DYM: variants seen among roughly 807,000 people sequenced by gnomAD.
The protein encoded by DYM is dymeclin.
DYM carries 78 observed loss-of-function variants against 93.1 expected under a neutral mutation model. That is an observed-to-expected ratio of 0.84 (90% CI 0.70 to 1.01). The LOEUF (loss-of-function observed/expected upper bound fraction) is 1.01. Ranked by LOEUF, DYM falls within the 50% of genes least tolerant of loss-of-function variation. DYM has a pLI of 0.00. For missense variants in DYM, 789 were observed against 845.0 expected (o/e 0.93, Z 0.82); for synonymous variants, 321 against 319.7 (o/e 1.00, Z -0.04).
chr18:49,059,825 C>T (rs2075807153), intron 17 of DYM, among the ~76,000 whole-genome samples: 1 of 152,164 alleles, frequency 6.6e-6, no homozygotes, highest in African/African-American at 2.4e-5. Flanking sequence ...GCCATTAACT[C>T]ATGGGCACTC....
chr18:49,431,239 C>T (rs1055295182), intron 1 of DYM, among the ~76,000 whole-genome samples: 7 of 152,226 alleles, frequency 4.6e-5, no homozygotes, highest in African/African-American at 1.7e-4. Context: ...AAAGGAATCA[C>T]ATTTAATGTT....
intron 8 of DYM, among the ~76,000 whole-genome samples, chr18:49,300,619 T>C (rs908050571): frequency 2.6e-5 from 4 of 152,074 alleles, no homozygotes; most frequent in Non-Finnish European, 4.4e-5. Flanking sequence ...AAAAGGTTTC[T>C]ACATAGTAAA....
In DYM at chr18:49,040,810, A is replaced by G. The variant is rs1238752921; in HGVS notation, c.*3245T>C. On this transcript the variant is annotated 3_prime_UTR_variant, in exon 18 of 18. Transcript: ENST00000675505. ...ATTATGCAGAGAGCTCTACCACCCAATGCAAAACCCTGGCTCCCGGAATCT... is the reference window on the plus strand; with the variant it reads ...ATTATGCAGAGAGCTCTACCACCCAGTGCAAAACCCTGGCTCCCGGAATCT... 2.0e-5 allele frequency among the ~76,000 whole-genome samples: 3 copies of G among 152,218 alleles called. No individual in the cohort carries two copies. The highest frequency in any genetic ancestry group is 4.4e-5 in the Non-Finnish European group (3 of 68,042).
intron 6 of DYM, among the ~76,000 whole-genome samples, chr18:49,352,242 A>C (rs142535764): frequency 6.6e-6 from 1 of 152,214 alleles, no homozygotes. Flanking sequence ...TAATGGGCAC[A>C]TGGCTTCTGC....
At position 49,128,975 on chromosome 18, in the gene DYM, TAA is replaced by T. The variant is rs796487736; in HGVS notation, c.1729-10051_1729-10050del. 7.2e-4 allele frequency among the ~76,000 whole-genome samples: 110 copies of T among 152,308 alleles called. 2 individuals are homozygous for T. Among genetic ancestry groups the T allele is most frequent in the African/African-American group, 2.6e-3 (109 of 41,570 alleles). On this transcript the variant is annotated intron_variant, in intron 15 of 17. Transcript: ENST00000675505. ...TAATAAACAGAAGGGAAATAATCTG[TAA>T]ACCTGTGTGTCATGGATTACACATT...
intron 6 of DYM, among the ~76,000 whole-genome samples, chr18:49,361,282 G>A (rs538499676): frequency 1.3e-5 from 2 of 152,236 alleles, no homozygotes; most frequent in East Asian, 1.9e-4. Context: ...GCCATATCAC[G>A]ACAGGGGTTG....
At chr18:49,364,444 CAA>C (rs1298142988) in intron 5 of DYM, among the ~76,000 whole-genome samples, 2 of 138,472 alleles carry the variant, frequency 1.4e-5, no homozygotes. Flanking sequence ...GACTGTGTCT[CAA>C]AAAAAAAAAA....
intron 5 of DYM, among the ~76,000 whole-genome samples, chr18:49,367,463 G>A (rs2066623378): frequency 6.6e-6 from 1 of 152,210 alleles, no homozygotes; most frequent in Admixed American, 6.5e-5. Context: ...ACCATGTGCT[G>A]AGTGAGACAG....
At chr18:49,389,471 A>G (rs1313395752) in intron 3 of DYM, among the ~76,000 whole-genome samples, 1 of 152,154 alleles carries the variant, frequency 6.6e-6, no homozygotes, top group South Asian at 2.1e-4. Context: ...TGCTTTCCAC[A>G]TTATGTATAA....
At chr18:49,314,542 AG>A (rs2061805477) in intron 8 of DYM, among the ~76,000 whole-genome samples, 1 of 152,238 alleles carries the variant, frequency 6.6e-6, no homozygotes. Context: ...TAAAGACCAA[AG>A]CAGCTGAACC....
At chr18:49,061,549 C>T (rs978972008) in intron 17 of DYM, among the ~76,000 whole-genome samples, 8 of 152,332 alleles carry the variant, frequency 5.3e-5, no homozygotes, top group Admixed American at 5.2e-4. Flanking sequence ...AGGACCTCAG[C>T]GTGCTCTTGG....
intron 13 of DYM, among the ~76,000 whole-genome samples, chr18:49,223,639 G>C (rs1248742275): frequency 2.0e-5 from 3 of 152,052 alleles, no homozygotes; most frequent in Non-Finnish European, 4.4e-5. Context: ...TGATGTAAAT[G>C]AGTAACAAAG....
chr18:49,397,857 G>A (rs1210735347), intron 2 of DYM, among the ~76,000 whole-genome samples: 3 of 151,990 alleles, frequency 2.0e-5, no homozygotes, highest in Non-Finnish European at 4.4e-5. Flanking sequence ...TGGGAAACTG[G>A]GGTTAAATAA....
intron 14 of DYM, among the ~76,000 whole-genome samples, chr18:49,193,430 G>C (rs1568574467): frequency 6.6e-6 from 1 of 152,056 alleles, no homozygotes; most frequent in Non-Finnish European, 1.5e-5. Context: ...TAAAACTGTT[G>C]TGCAAAACAA....
At chr18:49,081,396 C>A (rs1435638319) in intron 17 of DYM, among the ~76,000 whole-genome samples, 4 of 151,284 alleles carry the variant, frequency 2.6e-5, no homozygotes, top group Non-Finnish European at 5.9e-5. Flanking sequence ...CGCAGGCACT[C>A]AGCAGGCTGA....
rs4939844 is a variant in DYM at position 49,102,239 on chromosome 18, A to T, written c.1912-4724T>A. Among the ~76,000 whole-genome samples, 1,245 of 152,328 alleles carry T rather than the reference A, an allele frequency of 8.2e-3. 51 individuals are homozygous for T. Among genetic ancestry groups the T allele is most frequent in the Admixed American group, 0.071 (1,088 of 15,298 alleles). Reference sequence around the variant, plus strand: ...GCAAAGCACTTTGCGCTGTGCAGACATTAACTTATTTAAGGCTGTAAATTT... The same window carrying T: ...GCAAAGCACTTTGCGCTGTGCAGACTTTAACTTATTTAAGGCTGTAAATTT... On this transcript the variant is annotated intron_variant, in intron 16 of 17. Transcript: ENST00000675505.
intron 2 of DYM, among the ~76,000 whole-genome samples, chr18:49,421,416 A>G (rs1458876447): frequency 6.6e-6 from 1 of 152,210 alleles, no homozygotes; most frequent in Non-Finnish European, 1.5e-5. Flanking sequence ...GCAAACTCCA[A>G]CAGACCTGCA....
chr18:49,069,985 G>A (rs1405109505), intron 17 of DYM, among the ~76,000 whole-genome samples: 1 of 152,228 alleles, frequency 6.6e-6, no homozygotes, highest in Non-Finnish European at 1.5e-5. Context: ...AGGTTGTGGT[G>A]AGCCAAGATC....
chr18:49,341,204 A>G (rs772347524), intron 6 of DYM, among the ~76,000 whole-genome samples: 3 of 152,250 alleles, frequency 2.0e-5, no homozygotes, highest in Non-Finnish European at 4.4e-5. Context: ...GACAAAGATG[A>G]TAAAGGCTGG....
Sources: gnomAD v4.1 joint callset for allele counts (sites outside exome capture counted in the v4.1 genomes callset) on GRCh38, gnomAD v4.1.1 for gene constraint, MANE v1.5 for transcripts, NCBI Gene and HGNC (gene_info 2026-07-23, HGNC 2026-07-21) for gene names.